PDE10A: variants seen among roughly 807,000 people sequenced by gnomAD.
PDE10A encodes the protein cAMP and cAMP-inhibited cGMP 3',5'-cyclic phosphodiesterase 10A.
In PDE10A, 39 loss-of-function variants were observed where a neutral mutation model predicts 97.7. The ratio of observed to expected loss-of-function variants is 0.40; its 90% CI spans 0.31 to 0.52. The LOEUF is 0.52. Among genes scored for constraint, PDE10A ranks in the 20% least tolerant of loss-of-function variants. PDE10A has a pLI of 0.56. For synonymous variants in PDE10A, 371 were observed against 376.8 expected (o/e 0.98, Z 0.18); for missense variants, 731 against 1,047.8 (o/e 0.70, Z 4.17).
rs1562663033 is a variant in PDE10A at position 165,655,284 on chromosome 6, A to G, written c.865+6663T>C. On this transcript the variant is annotated intron_variant, in intron 1 of 21. Coordinates refer to ENST00000539869, the MANE Select transcript of PDE10A (RefSeq NM_001385079.1). The surrounding 1 kb of genome is among the most constrained non-coding windows in gnomAD (Gnocchi z 4.5). ...AGTCTTGAACGATCCTTTGGATCAAATCCTCCCAGGCTTTGTTTATCCAAC... is the reference window on the plus strand; with the variant it reads ...AGTCTTGAACGATCCTTTGGATCAAGTCCTCCCAGGCTTTGTTTATCCAAC... Among the ~76,000 whole-genome samples, 2 of 152,180 alleles carry G rather than the reference A, an allele frequency of 1.3e-5. No homozygotes were observed. The highest frequency in any genetic ancestry group is 2.4e-5 in the African/African-American group (1 of 41,432).
chr6:165,373,234 C>A lies in PDE10A; in HGVS notation c.2783+5960G>T, dbSNP rs563917843. On this transcript the variant is annotated intron_variant, in intron 18 of 21. Coordinates refer to ENST00000539869, the MANE Select transcript of PDE10A (RefSeq NM_001385079.1). ...AAAAGACAAAATTGACAAATGGGAT[C>A]TAATTAAACTAAAGAGCTTCTGCAC... Among the ~76,000 whole-genome samples the A allele has an allele frequency of 6.2e-3, 941 of 151,108 alleles. 8 individuals are homozygous for A. Among genetic ancestry groups the A allele is most frequent in the African/African-American group, 0.022 (898 of 41,044 alleles).
rs887952147 is a variant in PDE10A at position 165,886,720 on chromosome 6, A to G, written c.-615+100809T>C. Among the ~76,000 whole-genome samples the G allele has an allele frequency of 7.9e-5, 12 of 152,348 alleles. No individual in the cohort carries two copies. In the South Asian group the frequency reaches 1.0e-3, roughly 13 times the overall value. On this transcript the variant is annotated intron_variant, in intron 1 of 19. Transcript: ENST00000366882. ...CTGTGAGCACAGACTAACTAAGGCC[A>G]TTGTTTTAAAGTCTTGTCAGACTGG...
chr6:165,517,547 A>G (rs1781883175), intron 2 of PDE10A, among the ~76,000 whole-genome samples: 1 of 152,222 alleles, frequency 6.6e-6, no homozygotes, highest in South Asian at 2.1e-4. Flanking sequence ...AAATTGTGGT[A>G]CATCCATACA....
intron 1 of PDE10A, among the ~76,000 whole-genome samples, chr6:165,790,855 C>G (rs192619325): frequency 6.6e-6 from 1 of 151,892 alleles, no homozygotes; most frequent in Non-Finnish European, 1.5e-5. Context: ...ATTTGATTGA[C>G]GAGAGTACTT....
chr6:165,380,871 C>T (rs957627673), intron 17 of PDE10A, among the ~76,000 whole-genome samples: 3 of 152,352 alleles, frequency 2.0e-5, no homozygotes, highest in African/African-American at 7.2e-5. Flanking sequence ...CCGTAACTCA[C>T]GTGAAGCAGG....
At chr6:165,614,982 C>T (rs1027846264) in intron 1 of PDE10A, among the ~76,000 whole-genome samples, 3 of 151,934 alleles carry the variant, frequency 2.0e-5, no homozygotes, top group Non-Finnish European at 4.4e-5. Context: ...GAGGCCGAGG[C>T]GGGCAGATCA....
At chr6:165,356,216 T>C (rs1279911529) in intron 18 of PDE10A, among the ~76,000 whole-genome samples, 1 of 152,038 alleles carries the variant, frequency 6.6e-6, no homozygotes, top group Non-Finnish European at 1.5e-5. Context: ...GAGATTTAGG[T>C]GGGGACACAG....
intron 1 of PDE10A, among the ~76,000 whole-genome samples, chr6:165,878,126 T>C (rs2457986): frequency 0.81 from 122,711 of 152,198 alleles, 49,859 homozygotes; most frequent in East Asian, 0.96. Flanking sequence ...TGGAGAGACT[T>C]CATGAGACAC....
At chr6:165,883,425 C>T (rs963081155) in intron 1 of PDE10A, among the ~76,000 whole-genome samples, 28 of 151,988 alleles carry the variant, frequency 1.8e-4, no homozygotes, top group African/African-American at 6.5e-4. Flanking sequence ...GCCTGTAATC[C>T]CAGCTACTCA....
chr6:165,531,226 A>G (rs1011737597), intron 2 of PDE10A, among the ~76,000 whole-genome samples: 11 of 152,000 alleles, frequency 7.2e-5, no homozygotes, highest in South Asian at 2.1e-4. Flanking sequence ...AGTTATATTT[A>G]TGGTCTAATT....
At chr6:165,376,618 A>T (rs929537849) in intron 18 of PDE10A, among the ~76,000 whole-genome samples, 1 of 152,208 alleles carries the variant, frequency 6.6e-6, no homozygotes. Flanking sequence ...ATATTTTAAG[A>T]AACTGCCACA....
At chr6:165,573,044 T>TA (rs1248748898) in intron 1 of PDE10A, among the ~76,000 whole-genome samples, 1 of 152,234 alleles carries the variant, frequency 6.6e-6, no homozygotes, top group East Asian at 1.9e-4. Context: ...AAAAGTTTTA[T>TA]ATATAATATG....
chr6:165,889,862 ACTCACTCCTCAC>A (rs1781728932), intron 1 of PDE10A, among the ~76,000 whole-genome samples: 1 of 85,568 alleles, frequency 1.2e-5, no homozygotes, highest in African/African-American at 4.6e-5. Context: ...CTCCTCCCTC[ACTCACTCCTCAC>A]TCCTCCCTCA....
intron 1 of PDE10A, among the ~76,000 whole-genome samples, chr6:165,574,305 T>G (rs868706337): frequency 6.6e-6 from 1 of 152,112 alleles, no homozygotes; most frequent in East Asian, 1.9e-4. Context: ...GTGCCTCTTA[T>G]ATTAGCTCTA....
At chr6:165,390,223 G>C (rs897679188) in intron 16 of PDE10A, among the ~76,000 whole-genome samples, 1 of 152,316 alleles carries the variant, frequency 6.6e-6, no homozygotes, top group African/African-American at 2.4e-5. Flanking sequence ...GGAAAACCAA[G>C]AGTGCCGAAT....
chr6:165,819,485 C>A lies in PDE10A; in HGVS notation c.-615+168044G>T, dbSNP rs1243380383. Reference sequence around the variant, plus strand: ...CTCTCCGAGACACGCTTGCACCCTGCACGTGCTGCCCTCTGACTGCAGGGT... The same window carrying A: ...CTCTCCGAGACACGCTTGCACCCTGAACGTGCTGCCCTCTGACTGCAGGGT... On this transcript the variant is annotated intron_variant, in intron 1 of 19. Coordinates refer to the PDE10A transcript ENST00000366882. This position sits in a 1 kb window ranked among gnomAD's most constrained non-coding sequence, Gnocchi z 4.2. Among the ~76,000 whole-genome samples, 2 of 152,186 alleles carry A rather than the reference C, an allele frequency of 1.3e-5. No individual in the cohort carries two copies. Among genetic ancestry groups the A allele is most frequent in the Non-Finnish European group, 1.5e-5 (1 of 68,036 alleles).
intron 1 of PDE10A, among the ~76,000 whole-genome samples, chr6:165,763,202 T>C (rs1360905778): frequency 6.6e-6 from 1 of 152,196 alleles, no homozygotes; most frequent in Non-Finnish European, 1.5e-5. Context: ...ATCATGTAAC[T>C]TTTTCATCAA....
At chr6:165,741,451 C>G (rs911042997) in intron 1 of PDE10A, among the ~76,000 whole-genome samples, 1 of 152,104 alleles carries the variant, frequency 6.6e-6, no homozygotes. Flanking sequence ...TAAAGTCCGA[C>G]AAGTCAAATG....
rs149150515 is a variant in PDE10A, at chr6:165,477,355, C to T, written c.1023+4960G>A. Among the ~76,000 whole-genome samples, 86 of 152,280 alleles carry T rather than the reference C, an allele frequency of 5.6e-4. 2 individuals are homozygous for T. In the East Asian group the frequency reaches 0.015, roughly 26 times the overall value. On this transcript the variant is annotated intron_variant, in intron 3 of 21. Transcript: ENST00000539869. ...GTCCCACATCATTTACCCTGCCTCT[C>T]GCTTTTCTGTCTCCACAGCACTCAT...
Sources: gnomAD v4.1 joint callset for allele counts (sites outside exome capture counted in the v4.1 genomes callset) on GRCh38, gnomAD v4.1.1 for gene constraint, Gnocchi (gnomAD v3.1) non-coding constraint, MANE v1.5 for transcripts, NCBI Gene and HGNC (gene_info 2026-07-23, HGNC 2026-07-21) for gene names.